Variants in SLC2A13 observed in about 807,000 individuals in gnomAD.
SLC2A13 encodes the protein proton myo-inositol cotransporter.
SLC2A13 carries 32 observed loss-of-function variants against 64.4 expected under a neutral mutation model. The ratio of observed to expected loss-of-function variants is 0.50; its 90% CI spans 0.37 to 0.67. The LOEUF is 0.67. Among genes scored for constraint, SLC2A13 ranks in the 30% least tolerant of loss-of-function variants. SLC2A13 has a pLI of 0.00. For missense variants in SLC2A13, 743 were observed against 829.2 expected, an observed-to-expected ratio of 0.90 and a Z score of 1.28; for synonymous variants, 338 against 327.1, an observed-to-expected ratio of 1.03 and a Z score of -0.36.
chr12:39,982,527 C>A (rs1282988050), intron 3 of SLC2A13, among the ~76,000 whole-genome samples: 1 of 151,238 alleles, frequency 6.6e-6, no homozygotes. Flanking sequence ...TTCTTATACA[C>A]CAACAACAGA....
intron 1 of SLC2A13, among the ~76,000 whole-genome samples, chr12:40,080,059 A>G (rs11832967): frequency 6.6e-6 from 1 of 152,102 alleles, no homozygotes; most frequent in African/African-American, 2.4e-5. Flanking sequence ...ACAGGGTTTC[A>G]CCATGTTGGC....
chr12:40,061,957 AAAAG>A (rs1243173897), intron 1 of SLC2A13, among the ~76,000 whole-genome samples: 1 of 152,098 alleles, frequency 6.6e-6, no homozygotes, highest in African/African-American at 2.4e-5. Context: ...TATATACAGA[AAAAG>A]AAAGGCCATT....
At chr12:39,813,863 A>G (rs1321380233) in intron 7 of SLC2A13, among the ~76,000 whole-genome samples, 1 of 152,222 alleles carries the variant, frequency 6.6e-6, no homozygotes, top group East Asian at 1.9e-4. Context: ...GGCATTTTAA[A>G]ATTGGAGTTT....
At chr12:39,971,998 A>AAAAAT (rs1946657575) in intron 3 of SLC2A13, among the ~76,000 whole-genome samples, 1 of 16,396 alleles carries the variant, frequency 6.1e-5, no homozygotes. Flanking sequence ...AAAAAAAAAA[A>AAAAAT]TATATATATA....
intron 3 of SLC2A13, among the ~76,000 whole-genome samples, chr12:39,968,200 A>G (rs1351856123): frequency 6.6e-6 from 1 of 152,168 alleles, no homozygotes; most frequent in Non-Finnish European, 1.5e-5. Context: ...GAAAGCAAAC[A>G]TGTCCTTCTT....
At chr12:40,083,876 C>T (rs1245551906) in intron 1 of SLC2A13, among the ~76,000 whole-genome samples, 1 of 152,230 alleles carries the variant, frequency 6.6e-6, no homozygotes, top group Non-Finnish European at 1.5e-5. Flanking sequence ...TCAGAATCCT[C>T]AGCTGCATTT....
At chr12:39,815,963 C>T (rs1005924649) in intron 7 of SLC2A13, among the ~76,000 whole-genome samples, 10 of 152,116 alleles carry the variant, frequency 6.6e-5, no homozygotes, top group African/African-American at 2.4e-4. Flanking sequence ...TCTGAGTATA[C>T]ATTTTGTTCA....
chr12:39,934,541 G>T (rs958344404), intron 4 of SLC2A13, among the ~76,000 whole-genome samples: 1 of 152,166 alleles, frequency 6.6e-6, no homozygotes, highest in Non-Finnish European at 1.5e-5. Context: ...TCTAAAGAAG[G>T]CATGCCTGAG....
intron 4 of SLC2A13, among the ~76,000 whole-genome samples, chr12:39,947,730 G>A (rs1358477893): frequency 7.6e-5 from 11 of 145,548 alleles, no homozygotes; most frequent in Non-Finnish European, 1.2e-4. Flanking sequence ...GCATGATCTC[G>A]GCTCACTTCA....
At chr12:39,895,967 T>C (rs1297027253) in intron 4 of SLC2A13, among the ~76,000 whole-genome samples, 3 of 135,814 alleles carry the variant, frequency 2.2e-5, no homozygotes, top group Non-Finnish European at 3.2e-5. Flanking sequence ...TATATATACA[T>C]GTGTATATGT....
At chr12:39,895,965 C>T (rs1280565667) in intron 4 of SLC2A13, among the ~76,000 whole-genome samples, 2 of 133,888 alleles carry the variant, frequency 1.5e-5, no homozygotes, top group African/African-American at 5.8e-5. Flanking sequence ...TGTATATATA[C>T]ATGTGTATAT....
At position 40,105,801 on chromosome 12, in the gene SLC2A13, C is replaced by A. The variant is rs1178245523; in HGVS notation, c.8G>T (p.Arg3Leu). 2 of 1,479,198 alleles carry A rather than the reference C, an allele frequency of 1.4e-6. No homozygotes were observed. Among genetic ancestry groups the A allele is most frequent in the South Asian group, 1.3e-5 (1 of 76,842 alleles). The allele number at this position is 1,479,198 out of a possible 1,614,324, so 91.6% of individuals were successfully genotyped here. A position where few individuals can be genotyped will look rare whatever the true frequency, so the allele number is the denominator to read the frequency against. ...GTACTCCACATTCTCGCTTGCCTTG[C>A]GGGACATAGGGCAGGGGCCCGGGGC... MS[R>L]KASENVEYTL... The change falls in exon 1 of 10, where the codon CGC becomes CTC. Residue 3 changes from arginine to leucine, a missense_variant. By Grantham distance (102) the Arg-to-Leu change is moderately radical. Coordinates refer to ENST00000280871, the MANE Select transcript of SLC2A13 (RefSeq NM_052885.4). This position sits in a 1 kb window ranked among gnomAD's most constrained non-coding sequence, Gnocchi z 4.2.
intron 4 of SLC2A13, among the ~76,000 whole-genome samples, chr12:39,935,412 G>A (rs1477439842): frequency 6.6e-6 from 1 of 152,060 alleles, no homozygotes; most frequent in Non-Finnish European, 1.5e-5. Context: ...CTAAGGTCAT[G>A]TCTGCAGACT....
chr12:40,026,940 C>A (rs1947819929), intron 3 of SLC2A13, among the ~76,000 whole-genome samples: 1 of 152,084 alleles, frequency 6.6e-6, no homozygotes. Context: ...ATCAGCCAGG[C>A]ATGATGGCCC....
At chr12:39,871,260 A>G (rs1944045182) in intron 5 of SLC2A13, among the ~76,000 whole-genome samples, 1 of 152,190 alleles carries the variant, frequency 6.6e-6, no homozygotes, top group African/African-American at 2.4e-5. Context: ...GCTATCATAG[A>G]AAATACATTT....
intron 4 of SLC2A13, among the ~76,000 whole-genome samples, chr12:39,932,614 C>T (rs1466678571): frequency 1.3e-5 from 2 of 152,060 alleles, no homozygotes; most frequent in East Asian, 3.9e-4. Context: ...CAATGATAAA[C>T]ATGACGGGAA....
chr12:40,082,487 G>C (rs977718260), intron 1 of SLC2A13, among the ~76,000 whole-genome samples: 1 of 152,208 alleles, frequency 6.6e-6, no homozygotes, highest in Non-Finnish European at 1.5e-5. Flanking sequence ...AAGTGCCTCA[G>C]CTGGGCAACC....
At chr12:39,951,851 T>C (rs11564225) in intron 3 of SLC2A13, among the ~76,000 whole-genome samples, 8,500 of 152,242 alleles carry the variant, frequency 0.056, 434 homozygotes, top group East Asian at 0.14. Context: ...TTTACTAAAG[T>C]TACAGAATTT....
At chr12:40,099,693 A>G (rs1006022126) in intron 1 of SLC2A13, among the ~76,000 whole-genome samples, 5 of 152,210 alleles carry the variant, frequency 3.3e-5, no homozygotes, top group Admixed American at 3.3e-4. Context: ...CAACTAGATC[A>G]TAATCCTCAC....
Sources: gnomAD v4.1 joint callset for allele counts (sites outside exome capture counted in the v4.1 genomes callset) on GRCh38, gnomAD v4.1.1 for gene constraint, Gnocchi (gnomAD v3.1) non-coding constraint, MANE v1.5 for transcripts, NCBI Gene and HGNC (gene_info 2026-07-23, HGNC 2026-07-21) for gene names.